Variants in CDKL5 observed in about 807,000 individuals in gnomAD.
CDKL5 encodes the protein cyclin dependent kinase like 5, also known as cyclin-dependent kinase-like 5.
A neutral mutation model predicts 61.7 loss-of-function variants in CDKL5; 8 were observed. The observed-to-expected ratio is 0.13, with a 90% CI of 0.08 to 0.23. The LOEUF is 0.23. CDKL5 is among the 10% of genes least tolerant of loss of function. The pLI, the probability that CDKL5 is intolerant of heterozygous loss-of-function variation, is 1.00. For missense variants in CDKL5, 440 were observed against 734.5 expected, an observed-to-expected ratio of 0.60 and a Z score of 4.63; for synonymous variants, 275 against 272.3, an observed-to-expected ratio of 1.01 and a Z score of -0.10.
intron 1 of CDKL5, among the ~76,000 whole-genome samples, chrX:18,429,729 A>G (rs1198072497): frequency 8.9e-6 from 1 of 111,953 alleles, no homozygotes; most frequent in African/African-American, 3.2e-5. Flanking sequence ...TTAACTTGGC[A>G]GACTCAGTGG....
At chrX:18,582,900 G>GA (rs1311946827) in intron 7 of CDKL5, among the ~76,000 whole-genome samples, 5 of 111,313 alleles carry the variant, frequency 4.5e-5, no homozygotes, top group Non-Finnish European at 9.4e-5. Flanking sequence ...GTTTGTCTGA[G>GA]AAAAAATGTT....
intron 11 of CDKL5, among the ~76,000 whole-genome samples, chrX:18,600,102 AGTT>A (rs1351835196): frequency 3.6e-5 from 4 of 112,217 alleles, no homozygotes; most frequent in African/African-American, 1.3e-4. Flanking sequence ...CTGGCCAATC[AGTT>A]GTTCTTAATA....
chrX:18,444,459 C>A (rs1317598398), intron 1 of CDKL5, among the ~76,000 whole-genome samples: 2 of 110,961 alleles, frequency 1.8e-5, no homozygotes, highest in South Asian at 3.7e-4. Flanking sequence ...TACAAATATA[C>A]AAATATATAT....
intron 1 of CDKL5, among the ~76,000 whole-genome samples, chrX:18,490,095 G>A (rs1921938656): frequency 2.7e-5 from 3 of 111,518 alleles, no homozygotes; most frequent in Non-Finnish European, 3.8e-5. Context: ...GAGAAGGCAC[G>A]GAAGGCCTGT....
In CDKL5 at chrX:18,604,753, G is replaced by A; in HGVS notation, c.1829G>A (p.Arg610Lys). 1 of 1,211,664 alleles carries A rather than the reference G, an allele frequency of 8.3e-7. No homozygotes were observed. Among genetic ancestry groups the A allele is most frequent in the Non-Finnish European group, 1.1e-6 (1 of 895,502 alleles). Residue 610 changes from arginine (R) to lysine (K), a missense_variant, in exon 12 of 18, where the codon AGG (arginine) becomes AAG (lysine). Coordinates refer to ENST00000623535, the MANE Select transcript of CDKL5 (RefSeq NM_001323289.2). Reference sequence around the variant, plus strand: ...TTTTCTTCCCAGCAACGTCCTCATAGGCATTCTATGTATGTGACCCGTGAC... The same window carrying A: ...TTTTCTTCCCAGCAACGTCCTCATAAGCATTCTATGTATGTGACCCGTGAC... ...SPFSSQQRPH[R>K]HSMYVTRDKV...
intron 1 of CDKL5, among the ~76,000 whole-genome samples, chrX:18,453,795 T>C (rs1932076378): frequency 8.9e-6 from 1 of 112,052 alleles, no homozygotes; most frequent in African/African-American, 3.2e-5. Flanking sequence ...TGCTTAGCCT[T>C]GGATTTTCAC....
intron 3 of CDKL5, among the ~76,000 whole-genome samples, chrX:18,547,773 C>T (rs1038123436): frequency 4.5e-5 from 5 of 111,763 alleles, no homozygotes; most frequent in East Asian, 2.8e-4. Context: ...TAGTTACATA[C>T]GTAAGATAAA....
At chrX:18,556,323 G>A (rs1274873139) in intron 3 of CDKL5, among the ~76,000 whole-genome samples, 1 of 111,748 alleles carries the variant, frequency 8.9e-6, no homozygotes, top group Non-Finnish European at 1.9e-5. Context: ...ATGTGTGTGT[G>A]TGTGTGTGTT....
intron 3 of CDKL5, among the ~76,000 whole-genome samples, chrX:18,521,439 T>A (rs1923240775): frequency 8.9e-6 from 1 of 111,834 alleles, no homozygotes; most frequent in African/African-American, 3.3e-5. Context: ...GAATCCAATG[T>A]CATGAAGATT....
At chrX:18,536,432 G>GTTTTTTT (rs746308567) in intron 3 of CDKL5, among the ~76,000 whole-genome samples, 4 of 40,554 alleles carry the variant, frequency 9.9e-5, no homozygotes, top group East Asian at 1.1e-3. Flanking sequence ...TTCAATACAG[G>GTTTTTTT]TTTTTTTTTT....
rs1425045581 is a variant in CDKL5, at chrX:18,606,068, C to T, written c.1944+1200C>T. ...TGGTGGCGTGTGCCTGTAATTCCAG[C>T]TACTCAGGAGGCCGAGGCACTAGAA... is the stretch of plus-strand genomic sequence containing the variant. On this transcript the variant is annotated intron_variant, in intron 12 of 17. Transcript: ENST00000623535. 3.6e-5 allele frequency among the ~76,000 whole-genome samples: 4 copies of T among 110,779 alleles called. No individual in the cohort carries two copies. In the East Asian group the frequency reaches 1.1e-3, roughly 32 times the overall value.
At chrX:18,650,187 A>G (rs1927969016) in intron 20 of CDKL5, 2 of 462,595 alleles carry the variant, frequency 4.3e-6, no homozygotes, top group Non-Finnish European at 7.7e-6. Context: ...GTACCTGGCC[A>G]GGGCCAATGG....
chrX:18,460,165 T>TTGAGACAGGCG (rs201661259), intron 1 of CDKL5, among the ~76,000 whole-genome samples: 3,201 of 111,453 alleles, frequency 0.029, 53 homozygotes, highest in Non-Finnish European at 0.047. Flanking sequence ...TTCCAAAATG[T>TTGAGACAGGCG]TGAGACAGGC....
chrX:18,621,057 G>A (rs1280705401), intron 16 of CDKL5, among the ~76,000 whole-genome samples: 2 of 112,136 alleles, frequency 1.8e-5, no homozygotes, highest in African/African-American at 3.2e-5. Flanking sequence ...AATGGTTTTG[G>A]TTCTAGTTTT....
intron 3 of CDKL5, among the ~76,000 whole-genome samples, chrX:18,542,711 T>A (rs962078925): frequency 2.8e-5 from 3 of 108,135 alleles, no homozygotes; most frequent in Non-Finnish European, 5.8e-5. Context: ...AGACTCTGGA[T>A]CCTATTTAAT....
chrX:18,535,773 TAAGGATCATGTG>T lies in CDKL5; in HGVS notation c.99+24928_99+24939del, dbSNP rs752093086. On this transcript the variant is annotated intron_variant, in intron 3 of 17. Coordinates refer to ENST00000623535, the MANE Select transcript of CDKL5 (RefSeq NM_001323289.2). ...ATTCAGTGTCTCATTTAAGAGCATT[TAAGGATCATGTG>T]AAGGATCAGGAGAGTGATACACCTG... 448 of 128,981 alleles carry T rather than the reference TAAGGATCATGTG, an allele frequency of 3.5e-3. 2 individuals carry two copies. The highest frequency in any genetic ancestry group is 0.014 in the African/African-American group (438 of 31,270). The allele number at this position is 128,981 out of a possible 1,213,427, so 10.6% of individuals were successfully genotyped here. A position where few individuals can be genotyped will look rare whatever the true frequency, so the allele number is the denominator to read the frequency against.
chrX:18,555,691 C>T (rs1307780905), intron 3 of CDKL5, among the ~76,000 whole-genome samples: 1 of 112,213 alleles, frequency 8.9e-6, no homozygotes, highest in Non-Finnish European at 1.9e-5. Context: ...TTTTGTCATG[C>T]ATTTTTAACT....
At chrX:18,460,293 A>G (rs1277728291) in intron 1 of CDKL5, among the ~76,000 whole-genome samples, 1 of 110,294 alleles carries the variant, frequency 9.1e-6, no homozygotes. Context: ...CGTACTACAC[A>G]CTTTTAAACA....
intron 1 of CDKL5, among the ~76,000 whole-genome samples, chrX:18,447,779 A>G (rs1443919004): frequency 9.0e-6 from 1 of 111,338 alleles, no homozygotes; most frequent in Non-Finnish European, 1.9e-5. Context: ...TCCATGAAGT[A>G]CCTTAGTTAC....
Sources: allele counts gnomAD v4.1 joint callset (sites outside exome capture counted in the v4.1 genomes callset), GRCh38; gene constraint gnomAD v4.1.1; transcripts MANE v1.5; gene names NCBI Gene and HGNC (gene_info 2026-07-23, HGNC 2026-07-21).